GRM1: variants seen among roughly 807,000 people sequenced by gnomAD.
GRM1 encodes metabotropic glutamate receptor 1.
Under a neutral mutation model 90.9 loss-of-function variants are expected in GRM1, and 33 were observed. That is an observed-to-expected ratio of 0.36 (90% CI 0.28 to 0.49). The LOEUF is 0.49. GRM1 is among the 20% of genes least tolerant of loss of function. The pLI, the probability that GRM1 is intolerant of heterozygous loss-of-function variation, is 0.99. For missense variants in GRM1, 1,190 were observed against 1,534.3 expected (o/e 0.78, Z 3.75); for synonymous variants, 700 against 613.2 (o/e 1.14, Z -2.09).
Position 146,322,574 on chromosome 6 carries a change from CTTTTATTTTA to C in GRM1, c.1186+17756_1186+17765del, listed in dbSNP as rs59946587. Among the ~76,000 whole-genome samples, 1,134 of 144,960 alleles carry C rather than the reference CTTTTATTTTA, an allele frequency of 7.8e-3. 15 individuals are homozygous for C. Among genetic ancestry groups the C allele is most frequent in the South Asian group, 0.048 (223 of 4,640 alleles). On this transcript the variant is annotated intron_variant, in intron 3 of 7. Coordinates refer to ENST00000282753, the MANE Select transcript of GRM1 (RefSeq NM_001278064.2). ...GCACCTGACTGGGGCTGCTGCCTTT[CTTTTATTTTA>C]TTTTATTTTATTTTATTTTATTTTA...
At chr6:146,243,494 CT>C (rs1415971055) in intron 2 of GRM1, among the ~76,000 whole-genome samples, 1 of 151,952 alleles carries the variant, frequency 6.6e-6, no homozygotes, top group Admixed American at 6.6e-5. Flanking sequence ...ATGGGGGCTT[CT>C]TTTACAGAAT....
chr6:146,184,438 T>C (rs1366085292), intron 2 of GRM1, among the ~76,000 whole-genome samples: 1 of 152,148 alleles, frequency 6.6e-6, no homozygotes, highest in African/African-American at 2.4e-5. Context: ...TTCTGTTTTT[T>C]TTTAATTAAC....
intron 1 of GRM1, among the ~76,000 whole-genome samples, chr6:146,050,962 G>A (rs1300461768): frequency 6.6e-6 from 1 of 152,002 alleles, no homozygotes; most frequent in African/African-American, 2.4e-5. Context: ...TCCTGGGAAG[G>A]TCTACCAGTG....
intron 2 of GRM1, among the ~76,000 whole-genome samples, chr6:146,194,568 C>T (rs1387396842): frequency 6.6e-6 from 1 of 152,326 alleles, no homozygotes; most frequent in Non-Finnish European, 1.5e-5. Context: ...GGAAGCAGCA[C>T]TCCCACTATT....
At chr6:146,110,699 A>C (rs1775524944) in intron 1 of GRM1, among the ~76,000 whole-genome samples, 1 of 152,106 alleles carries the variant, frequency 6.6e-6, no homozygotes, top group African/African-American at 2.4e-5. Context: ...ATTTTCTGTA[A>C]ATGCTTGTTA....
At position 146,398,752 on chromosome 6, in the gene GRM1, G is replaced by T; in HGVS notation, c.1730-17G>T. 1 of 1,571,924 alleles carries T rather than the reference G, an allele frequency of 6.4e-7. No individual in the cohort carries two copies. The highest frequency in any genetic ancestry group is 8.8e-7 in the Non-Finnish European group (1 of 1,141,330). ...AGAAACCTTGGATTCATGCTCAAATGATTTTTCTCATCACAGGCTGTGAGC... is the reference window on the plus strand; with the variant it reads ...AGAAACCTTGGATTCATGCTCAAATTATTTTTCTCATCACAGGCTGTGAGC... On this transcript the variant is annotated splice_polypyrimidine_tract_variant and intron_variant, in intron 6 of 7. Coordinates refer to ENST00000282753, the MANE Select transcript of GRM1 (RefSeq NM_001278064.2).
chr6:146,314,255 T>C (rs577448107), intron 3 of GRM1, among the ~76,000 whole-genome samples: 2 of 151,662 alleles, frequency 1.3e-5, no homozygotes, highest in South Asian at 4.2e-4. Context: ...TTGGTATTTT[T>C]AGTAGAGATG....
chr6:146,227,811 G>T (rs1780298698), intron 2 of GRM1, among the ~76,000 whole-genome samples: 1 of 152,148 alleles, frequency 6.6e-6, no homozygotes. Context: ...AATATCCATT[G>T]CATCCAAACT....
At chr6:146,391,273 C>T (rs1438791455) in intron 6 of GRM1, among the ~76,000 whole-genome samples, 1 of 152,046 alleles carries the variant, frequency 6.6e-6, no homozygotes, top group Non-Finnish European at 1.5e-5. Flanking sequence ...TACCAGTCCT[C>T]AGATCAGAGT....
intron 1 of GRM1, among the ~76,000 whole-genome samples, chr6:146,053,205 T>A (rs1464051173): frequency 6.6e-6 from 1 of 152,082 alleles, no homozygotes; most frequent in Non-Finnish European, 1.5e-5. Context: ...CAAATTTTAT[T>A]TTTTTATTCT....
intron 3 of GRM1, among the ~76,000 whole-genome samples, chr6:146,331,425 T>C (rs983141008): frequency 6.6e-6 from 1 of 152,156 alleles, no homozygotes; most frequent in Admixed American, 6.5e-5. Context: ...CAAGAAATAA[T>C]GGAAAATGAT....
intron 2 of GRM1, among the ~76,000 whole-genome samples, chr6:146,299,367 G>A (rs911249454): frequency 2.0e-5 from 3 of 151,884 alleles, no homozygotes; most frequent in Admixed American, 6.6e-5. Context: ...ACCTTGTTGA[G>A]TACCAAGTAT....
chr6:146,385,291 A>G (rs1776462299), intron 5 of GRM1, among the ~76,000 whole-genome samples: 1 of 152,048 alleles, frequency 6.6e-6, no homozygotes, highest in Non-Finnish European at 1.5e-5. Flanking sequence ...GCTTCTTATC[A>G]GAAACTATAG....
intron 6 of GRM1, among the ~76,000 whole-genome samples, chr6:146,393,652 G>A (rs990158547): frequency 5.3e-5 from 8 of 152,134 alleles, no homozygotes; most frequent in African/African-American, 1.9e-4. Context: ...CATGCTCATG[G>A]ATAGGAAGCA....
chr6:146,058,318 A>G (rs547724380), intron 1 of GRM1, among the ~76,000 whole-genome samples: 1 of 152,256 alleles, frequency 6.6e-6, no homozygotes, highest in East Asian at 1.9e-4. Context: ...TAAAGCAAAT[A>G]TTGCGATAAG....
chr6:146,279,193 G>T (rs564646790), intron 2 of GRM1, among the ~76,000 whole-genome samples: 1 of 152,034 alleles, frequency 6.6e-6, no homozygotes, highest in Non-Finnish European at 1.5e-5. Flanking sequence ...GGAATCAATA[G>T]TGATTTTTAA....
chr6:146,179,044 T>C (rs1262492977), intron 2 of GRM1, among the ~76,000 whole-genome samples: 2 of 152,212 alleles, frequency 1.3e-5, no homozygotes, highest in Non-Finnish European at 1.5e-5. Context: ...ACATATGGAC[T>C]TTTTGTCCTG....
intron 2 of GRM1, among the ~76,000 whole-genome samples, chr6:146,187,783 A>G (rs1778788555): frequency 6.6e-6 from 1 of 151,782 alleles, no homozygotes; most frequent in Non-Finnish European, 1.5e-5. Context: ...TTTTTATAAA[A>G]CAACACAAAA....
chr6:146,189,280 C>A (rs1778850830), intron 2 of GRM1, among the ~76,000 whole-genome samples: 1 of 152,120 alleles, frequency 6.6e-6, no homozygotes, highest in Non-Finnish European at 1.5e-5. Flanking sequence ...TCCTCAGTGA[C>A]CTGGCCTGCT....
Sources: gnomAD v4.1 joint callset for allele counts (sites outside exome capture counted in the v4.1 genomes callset) on GRCh38, gnomAD v4.1.1 for gene constraint, MANE v1.5 for transcripts, NCBI Gene and HGNC (gene_info 2026-07-23, HGNC 2026-07-21) for gene names.